PTPN13: variants seen among roughly 807,000 people sequenced by gnomAD.
PTPN13 encodes the protein tyrosine-protein phosphatase non-receptor type 13.
In PTPN13, 191 loss-of-function variants were observed where a neutral mutation model predicts 284.0. That is an observed-to-expected ratio of 0.67 (90% CI 0.60 to 0.76). PTPN13 has a LOEUF of 0.76. Among genes scored for constraint, PTPN13 ranks in the 30% least tolerant of loss-of-function variants. The pLI, the probability that PTPN13 is intolerant of heterozygous loss-of-function variation, is 0.00. For synonymous variants in PTPN13, 986 were observed against 1,022.3 expected, an observed-to-expected ratio of 0.96 and a Z score of 0.68; for missense variants, 2,797 against 2,939.9, an observed-to-expected ratio of 0.95 and a Z score of 1.12.
At chr4:86,715,611 A>C (rs1046555083) in intron 7 of PTPN13, among the ~76,000 whole-genome samples, 4 of 152,168 alleles carry the variant, frequency 2.6e-5, no homozygotes, top group Non-Finnish European at 5.9e-5. Flanking sequence ...AAATAAATCT[A>C]GTTGAGGACC....
intron 35 of PTPN13, among the ~76,000 whole-genome samples, chr4:86,777,303 C>T (rs1330418618): frequency 1.3e-5 from 2 of 152,168 alleles, no homozygotes; most frequent in East Asian, 1.9e-4. Flanking sequence ...ACTCCCCATA[C>T]ACCTTGGTTT....
At chr4:86,714,790 C>T (rs149998660) in intron 7 of PTPN13, among the ~76,000 whole-genome samples, 1 of 152,116 alleles carries the variant, frequency 6.6e-6, no homozygotes, top group African/African-American at 2.4e-5. Context: ...CAGGTACTTG[C>T]TAGACTAGGT....
chr4:86,603,865 T>C (rs1391807481), intron 1 of PTPN13, among the ~76,000 whole-genome samples: 2 of 152,116 alleles, frequency 1.3e-5, no homozygotes, highest in Non-Finnish European at 2.9e-5. Context: ...TCAGGGAGAC[T>C]AGTTCATGGC....
chr4:86,764,747 A>C lies in PTPN13; in HGVS notation c.4149+23A>C, dbSNP rs189667950. 7.9e-5 allele frequency: 126 copies of C among 1,586,640 alleles called. No individual in the cohort carries two copies. In the African/African-American group the frequency reaches 1.2e-3, roughly 15 times the overall value. ...ACGGTACTGTTTGACAAGGTTTTCA[A>C]ATGTTTTCTCTTCTTTAATTTCCAG... On this transcript the variant is annotated intron_variant, in intron 25 of 47. Transcript: ENST00000411767.
intron 16 of PTPN13, among the ~76,000 whole-genome samples, chr4:86,743,533 G>T (rs1736395855): frequency 6.6e-6 from 1 of 152,106 alleles, no homozygotes; most frequent in African/African-American, 2.4e-5. Flanking sequence ...TACTGATAAT[G>T]AAGATACTAG....
intron 45 of PTPN13, 151 bp from the exon 46 acceptor site, chr4:86,809,618 G>A (rs1279320838): frequency 3.1e-6 from 2 of 642,384 alleles, no homozygotes; most frequent in Non-Finnish European, 5.4e-6. Flanking sequence ...TTGAACCTGG[G>A]AGGCGGAGGC....
At chr4:86,662,336 C>A (rs534156460) in intron 2 of PTPN13, among the ~76,000 whole-genome samples, 2 of 152,090 alleles carry the variant, frequency 1.3e-5, no homozygotes, top group African/African-American at 2.4e-5. Flanking sequence ...TTATTTATTT[C>A]TTATTTATTT....
At chr4:86,614,877 GA>G (rs1720364655) in intron 1 of PTPN13, among the ~76,000 whole-genome samples, 1 of 151,900 alleles carries the variant, frequency 6.6e-6, no homozygotes, top group South Asian at 2.1e-4. Flanking sequence ...TTTGAATTAA[GA>G]AAAAAACCTG....
At chr4:86,713,729 A>G (rs903894414) in intron 7 of PTPN13, among the ~76,000 whole-genome samples, 3 of 152,102 alleles carry the variant, frequency 2.0e-5, no homozygotes, top group African/African-American at 4.8e-5. Context: ...CCAGTCATCT[A>G]TACTTCTTCT....
chr4:86,710,549 C>T (rs987442734), intron 7 of PTPN13, among the ~76,000 whole-genome samples: 1 of 152,136 alleles, frequency 6.6e-6, no homozygotes, highest in African/African-American at 2.4e-5. Flanking sequence ...GTCTGATCTC[C>T]TAAACATTTA....
intron 7 of PTPN13, among the ~76,000 whole-genome samples, chr4:86,703,747 T>C (rs1256462951): frequency 6.6e-6 from 1 of 152,182 alleles, no homozygotes; most frequent in African/African-American, 2.4e-5. Context: ...TGCACACCTG[T>C]AGTTCCAGCT....
At chr4:86,745,371 T>G (rs1736623928) in intron 17 of PTPN13, among the ~76,000 whole-genome samples, 1 of 152,226 alleles carries the variant, frequency 6.6e-6, no homozygotes, top group South Asian at 2.1e-4. Context: ...AATGATAGGC[T>G]AGTTGATGTA....
intron 1 of PTPN13, among the ~76,000 whole-genome samples, chr4:86,629,766 T>C (rs1396067330): frequency 1.3e-5 from 2 of 152,076 alleles, no homozygotes; most frequent in Non-Finnish European, 2.9e-5. Flanking sequence ...AACCTATGTC[T>C]TACTTTTTTT....
chr4:86,630,836 T>C (rs1352989567), intron 1 of PTPN13, among the ~76,000 whole-genome samples: 2 of 152,202 alleles, frequency 1.3e-5, no homozygotes, highest in East Asian at 3.8e-4. Context: ...GTTCATTCTG[T>C]TCTCAATCAC....
Position 86,771,587 on chromosome 4 carries a change from C to T in PTPN13, c.5168+52C>T. On this transcript the variant is annotated intron_variant, in intron 31 of 47. Coordinates refer to ENST00000411767, the MANE Select transcript of PTPN13 (RefSeq NM_080683.3). ...CAAAGCAACTGGTTGTTGTTAGTAG[C>T]AGTAGCAGCAACATGCATTTCTCTT... The T allele has an allele frequency of 2.1e-6, 3 of 1,463,054 alleles. No individual in the cohort carries two copies. The South Asian group carries it at 4.1e-5, about 20-fold the overall frequency. 90.6% of individuals were successfully genotyped at this position (1,463,054 alleles called of 1,614,324 possible). A position where few individuals can be genotyped will look rare whatever the true frequency, so the allele number is the denominator to read the frequency against.
intron 2 of PTPN13, among the ~76,000 whole-genome samples, chr4:86,640,145 A>G (rs1415134430): frequency 6.6e-6 from 1 of 152,152 alleles, no homozygotes. Context: ...AAACAGTGTT[A>G]GGGCCCACAC....
intron 9 of PTPN13, among the ~76,000 whole-genome samples, chr4:86,720,230 C>A (rs947896330): frequency 2.0e-5 from 3 of 152,014 alleles, no homozygotes; most frequent in African/African-American, 7.3e-5. Context: ...CATATTCAAG[C>A]GAAATTAAAT....
At chr4:86,668,505 A>G (rs1325233295) in intron 2 of PTPN13, among the ~76,000 whole-genome samples, 1 of 152,200 alleles carries the variant, frequency 6.6e-6, no homozygotes, top group Non-Finnish European at 1.5e-5. Flanking sequence ...ACAGCAATGT[A>G]GTTTGTTGTC....
chr4:86,728,644 T>A (rs1273511689), intron 10 of PTPN13, among the ~76,000 whole-genome samples: 4 of 34,746 alleles, frequency 1.2e-4, no homozygotes, highest in Non-Finnish European at 1.9e-4. Context: ...AACCCCTGCC[T>A]TTTTTTTTTT....
Sources: allele counts gnomAD v4.1 joint callset (sites outside exome capture counted in the v4.1 genomes callset), GRCh38; gene constraint gnomAD v4.1.1; transcripts MANE v1.5; gene names NCBI Gene and HGNC (gene_info 2026-07-23, HGNC 2026-07-21).